The following EEFSEC variants were observed in gnomAD, a reference collection of about 807,000 sequenced individuals.
The protein encoded by EEFSEC is eukaryotic elongation factor, selenocysteine-tRNA specific.
A neutral mutation model predicts 42.1 loss-of-function variants in EEFSEC; 43 were observed. The ratio of observed to expected loss-of-function variants is 1.02; its 90% CI spans 0.80 to 1.32. The LOEUF is 1.32. EEFSEC is among the 40% of genes most tolerant of loss of function. EEFSEC has a pLI of 0.00. For synonymous variants in EEFSEC, 354 were observed against 339.1 expected (o/e 1.04, Z -0.48); for missense variants, 745 against 803.6 (o/e 0.93, Z 0.88).
intron 4 of EEFSEC, among the ~76,000 whole-genome samples, chr3:128,289,065 C>T (rs2066615929): frequency 6.6e-6 from 1 of 152,230 alleles, no homozygotes; most frequent in Non-Finnish European, 1.5e-5. Context: ...TACCAGCTTC[C>T]TCGCCCAGCA....
chr3:128,348,293 C>CGTGTGT (rs760753689), intron 5 of EEFSEC, among the ~76,000 whole-genome samples: 1 of 135,596 alleles, frequency 7.4e-6, no homozygotes, highest in Non-Finnish European at 1.6e-5. Context: ...TGTGTGTGTG[C>CGTGTGT]GTGTGTGTGT....
intron 1 of EEFSEC, among the ~76,000 whole-genome samples, chr3:128,220,005 G>A (rs1473819009): frequency 2.0e-5 from 3 of 152,126 alleles, no homozygotes; most frequent in Admixed American, 6.5e-5. Context: ...CATTTGCGGT[G>A]GCAGCTCTGT....
At chr3:128,179,921 T>C (rs2065387926) in intron 1 of EEFSEC, among the ~76,000 whole-genome samples, 1 of 152,210 alleles carries the variant, frequency 6.6e-6, no homozygotes, top group Admixed American at 6.5e-5. Context: ...ATCCATACTT[T>C]TTTGGAGGTA....
intron 6 of EEFSEC, among the ~76,000 whole-genome samples, chr3:128,404,177 C>T (rs979770953): frequency 8.5e-5 from 13 of 152,230 alleles, no homozygotes; most frequent in Admixed American, 3.3e-4. Context: ...ACTGGGAAAA[C>T]AAAGCAGCTC....
intron 6 of EEFSEC, among the ~76,000 whole-genome samples, chr3:128,370,384 G>C (rs11926540): frequency 0.11 from 17,276 of 152,114 alleles, 2,432 homozygotes; most frequent in African/African-American, 0.34. Flanking sequence ...ACTCACCACC[G>C]GTATCATAGC....
chr3:128,321,865 C>G (rs1315111435), intron 4 of EEFSEC, among the ~76,000 whole-genome samples: 2 of 152,178 alleles, frequency 1.3e-5, no homozygotes, highest in African/African-American at 4.8e-5. Flanking sequence ...GAGGAGCAGC[C>G]TCTGTGAGAA....
intron 4 of EEFSEC, among the ~76,000 whole-genome samples, chr3:128,305,614 AGTTAT>A (rs549420807): frequency 8.8e-4 from 134 of 152,276 alleles, no homozygotes; most frequent in African/African-American, 3.1e-3. Context: ...TTATCTATTA[AGTTAT>A]ATCTTCAAAT....
Position 128,160,883 on chromosome 3 carries a change from C to T in EEFSEC, c.316+7060C>T, listed in dbSNP as rs141809074. On this transcript the variant is annotated intron_variant, in intron 1 of 6. Transcript: ENST00000254730. ...TTATCTCCCTTGATGCATGTGGCCA[C>T]AGATAAAACTAAGTGGTGCTGTGGG... 2.5e-3 allele frequency among the ~76,000 whole-genome samples: 382 copies of T among 152,284 alleles called. 3 individuals carry two copies. Among genetic ancestry groups the T allele is most frequent in the African/African-American group, 8.8e-3 (364 of 41,550 alleles).
intron 1 of EEFSEC, among the ~76,000 whole-genome samples, chr3:128,230,500 C>T (rs1459814122): frequency 1.3e-5 from 2 of 152,174 alleles, no homozygotes; most frequent in Non-Finnish European, 2.9e-5. Flanking sequence ...ACTTTCTTTA[C>T]TTTAGGACAG....
At chr3:128,224,001 A>C (rs147341937) in intron 1 of EEFSEC, among the ~76,000 whole-genome samples, 2 of 151,420 alleles carry the variant, frequency 1.3e-5, no homozygotes, top group African/African-American at 4.9e-5. Context: ...AACATTTTCT[A>C]TTCTTTCCTG....
chr3:128,336,637 G>A (rs1322442554), intron 4 of EEFSEC, among the ~76,000 whole-genome samples: 1 of 152,176 alleles, frequency 6.6e-6, no homozygotes, highest in Non-Finnish European at 1.5e-5. Context: ...TGGAATCCCT[G>A]TGGGTGGTTT....
the EEFSEC span, among the ~76,000 whole-genome samples, chr3:128,413,830 C>T: frequency 5.9e-3 from 893 of 152,318 alleles, 16 homozygotes; most frequent in African/African-American, 0.02. Flanking sequence ...CCCCAGCATC[C>T]GTCTCCCCTG....
intron 6 of EEFSEC, among the ~76,000 whole-genome samples, chr3:128,382,444 T>C (rs2067788010): frequency 6.6e-6 from 1 of 152,200 alleles, no homozygotes; most frequent in Admixed American, 6.5e-5. Flanking sequence ...CGTCTATGTG[T>C]GTCCATGTAT....
At chr3:128,422,932 G>A in the EEFSEC span, among the ~76,000 whole-genome samples, 1 of 152,198 alleles carries the variant, frequency 6.6e-6, no homozygotes, top group African/African-American at 2.4e-5. Flanking sequence ...CAGGCTACTA[G>A]CCCTCCCAGA....
At chr3:128,407,496 G>A (rs2068131282) in intron 6 of EEFSEC, among the ~76,000 whole-genome samples, 1 of 152,060 alleles carries the variant, frequency 6.6e-6, no homozygotes, top group Admixed American at 6.5e-5. Context: ...CTGCTACTGG[G>A]GCAGCTGGGT....
At chr3:128,371,410 T>G (rs2067652523) in intron 6 of EEFSEC, among the ~76,000 whole-genome samples, 1 of 152,200 alleles carries the variant, frequency 6.6e-6, no homozygotes, top group Non-Finnish European at 1.5e-5. Context: ...ATCCCTGGCT[T>G]CTTCTTACTA....
rs187748898 is a variant in EEFSEC at position 128,186,672 on chromosome 3, A to G, written c.316+32849A>G. On this transcript the variant is annotated intron_variant, in intron 1 of 6. Transcript: ENST00000254730. ...GGTTGTCCCAGTTTTTGTTAAAAAA[A>G]CTGTTCCCTCTATTGATTTGTGTTG... Among the ~76,000 whole-genome samples, 652 of 152,328 alleles carry G rather than the reference A, an allele frequency of 4.3e-3. 4 individuals carry two copies. Among genetic ancestry groups the G allele is most frequent in the Middle Eastern group, 0.021 (6 of 292 alleles).
At chr3:128,421,565 G>C in the EEFSEC span, among the ~76,000 whole-genome samples, 1 of 152,244 alleles carries the variant, frequency 6.6e-6, no homozygotes, top group Admixed American at 6.5e-5. Flanking sequence ...CAGCCCCATA[G>C]TTGTGAACAC....
intron 5 of EEFSEC, 127 bp from the exon 6 acceptor site, chr3:128,358,090 G>T: frequency 8.0e-7 from 1 of 1,246,528 alleles, no homozygotes; most frequent in Non-Finnish European, 1.1e-6. Context: ...CTACCCACAG[G>T]GTTCCTAGAG....
Sources: allele counts gnomAD v4.1 joint callset (sites outside exome capture counted in the v4.1 genomes callset), GRCh38; gene constraint gnomAD v4.1.1; transcripts MANE v1.5; gene names NCBI Gene and HGNC (gene_info 2026-07-23, HGNC 2026-07-21).